The following SBF2 variants were observed in gnomAD, a reference collection of about 807,000 sequenced individuals.
SBF2 encodes myotubularin-related protein 13.
SBF2 carries 112 observed loss-of-function variants against 225.2 expected under a neutral mutation model. The ratio of observed to expected loss-of-function variants is 0.50; its 90% CI spans 0.43 to 0.58. SBF2 has a LOEUF of 0.58. Ranked by LOEUF, SBF2 falls within the 20% of genes least tolerant of loss-of-function variation. The pLI is 0.00. For missense variants in SBF2, 1,996 were observed against 2,206.2 expected, an observed-to-expected ratio of 0.90 and a Z score of 1.91; for synonymous variants, 763 against 773.3, an observed-to-expected ratio of 0.99 and a Z score of 0.22.
chr11:10,218,439 A>G (rs1206669537), intron 1 of SBF2, among the ~76,000 whole-genome samples: 1 of 150,958 alleles, frequency 6.6e-6, no homozygotes, highest in African/African-American at 2.4e-5. Flanking sequence ...AAACAATACA[A>G]TTCCACCCCG....
intron 2 of SBF2, among the ~76,000 whole-genome samples, chr11:10,193,641 C>T (rs1216409494): frequency 2.6e-5 from 4 of 151,958 alleles, no homozygotes; most frequent in Admixed American, 6.6e-5. Flanking sequence ...CATGAGCCAC[C>T]GCGCCTGGCC....
At chr11:10,184,381 C>A (rs1956852574) in intron 2 of SBF2, among the ~76,000 whole-genome samples, 1 of 152,056 alleles carries the variant, frequency 6.6e-6, no homozygotes, top group African/African-American at 2.4e-5. Flanking sequence ...TGGCTACTTG[C>A]TATAAAATAT....
chr11:10,284,099 G>C (rs529840161), intron 1 of SBF2, among the ~76,000 whole-genome samples: 1 of 152,116 alleles, frequency 6.6e-6, no homozygotes, highest in Admixed American at 6.5e-5. Context: ...TTTTAATTTT[G>C]AGATAGTTGC....
At position 10,027,297 on chromosome 11, in the gene SBF2, T is replaced by A. The variant is rs547700378; in HGVS notation, c.619+1155A>T. ...GGAAAGAATTACTTTGAAATTGATATCACCACTCATTTTAATTCAGATATT... is the reference window on the plus strand; with the variant it reads ...GGAAAGAATTACTTTGAAATTGATAACACCACTCATTTTAATTCAGATATT... On this transcript the variant is annotated intron_variant, in intron 6 of 39. Transcript: ENST00000256190. Among the ~76,000 whole-genome samples the A allele has an allele frequency of 5.1e-4, 78 of 152,336 alleles. 1 individual carries two copies. Among genetic ancestry groups the A allele is most frequent in the African/African-American group, 1.8e-3 (76 of 41,590 alleles).
intron 1 of SBF2, among the ~76,000 whole-genome samples, chr11:10,247,776 A>G (rs1187028493): frequency 1.3e-5 from 2 of 152,148 alleles, no homozygotes; most frequent in African/African-American, 4.8e-5. Flanking sequence ...TACAACAATC[A>G]TCCTCCTCAC....
chr11:10,226,895 G>C lies in SBF2; in HGVS notation c.56-32908C>G, dbSNP rs553808786. 4.6e-5 allele frequency among the ~76,000 whole-genome samples: 7 copies of C among 152,260 alleles called. No individual in the cohort carries two copies. The South Asian group carries it at 1.5e-3, about 32-fold the overall frequency. On this transcript the variant is annotated intron_variant, in intron 1 of 39. Transcript: ENST00000256190. ...GTATTTCTAGTTCTAGATCCCTGAG[G>C]AATCGCTGACTTCCACAATGGTTGA...
chr11:10,105,199 T>C (rs1432848726), intron 2 of SBF2, among the ~76,000 whole-genome samples: 2 of 152,160 alleles, frequency 1.3e-5, no homozygotes, highest in Non-Finnish European at 2.9e-5. Flanking sequence ...AAGAAAACAC[T>C]GTGTCTTGAA....
At chr11:10,168,331 T>C (rs1336032915) in intron 2 of SBF2, among the ~76,000 whole-genome samples, 1 of 152,204 alleles carries the variant, frequency 6.6e-6, no homozygotes, top group African/African-American at 2.4e-5. Flanking sequence ...TCTGCATAAA[T>C]GAGCAACGAC....
At chr11:9,951,046 G>A (rs1865827304) in intron 16 of SBF2, among the ~76,000 whole-genome samples, 1 of 152,138 alleles carries the variant, frequency 6.6e-6, no homozygotes, top group South Asian at 2.1e-4. Context: ...ACCAATCCAG[G>A]CTTCATGGGC....
chr11:10,131,220 C>T (rs1954034303), intron 2 of SBF2, among the ~76,000 whole-genome samples: 1 of 149,504 alleles, frequency 6.7e-6, no homozygotes, highest in Non-Finnish European at 1.5e-5. Flanking sequence ...TTTAATATTG[C>T]CACTAATTTT....
rs1854728913 is a variant in SBF2, at chr11:9,821,134, A to C, written c.3794-4110T>G. 2.0e-5 allele frequency among the ~76,000 whole-genome samples: 3 copies of C among 152,216 alleles called. 1 individual carries two copies. The South Asian group carries it at 6.2e-4, about 32-fold the overall frequency. ...AAAATAAACTTCTGAATTTATTGAG[A>C]CCTGTCTCAGGTACTTTTTGGTTTA... is the stretch of plus-strand genomic sequence containing the variant. On this transcript the variant is annotated intron_variant, in intron 28 of 39. Coordinates refer to ENST00000256190, the MANE Select transcript of SBF2 (RefSeq NM_030962.4).
At chr11:10,285,511 A>C (rs543455740) in intron 1 of SBF2, among the ~76,000 whole-genome samples, 1 of 152,326 alleles carries the variant, frequency 6.6e-6, no homozygotes, top group East Asian at 1.9e-4. Flanking sequence ...CATCCAAGTA[A>C]ATAATTGTGT....
intron 1 of SBF2, among the ~76,000 whole-genome samples, chr11:10,232,358 C>G (rs1958893428): frequency 1.3e-5 from 2 of 152,098 alleles, no homozygotes; most frequent in South Asian, 4.1e-4. Flanking sequence ...AACGCGGTAC[C>G]TCAGTTGGAA....
At chr11:9,833,700 A>T (rs140981861) in intron 26 of SBF2, among the ~76,000 whole-genome samples, 1 of 150,872 alleles carries the variant, frequency 6.6e-6, no homozygotes, top group African/African-American at 2.4e-5. Flanking sequence ...GATTACAGGC[A>T]TGAGCCACCG....
At position 10,248,821 on chromosome 11, in the gene SBF2, C is replaced by T. The variant is rs888610394; in HGVS notation, c.55+45194G>A. On this transcript the variant is annotated intron_variant, in intron 1 of 39. Coordinates refer to ENST00000256190, the MANE Select transcript of SBF2 (RefSeq NM_030962.4). Reference sequence around the variant, plus strand: ...CCTGTAAAACAAATTCTAGGCCGGGCGCGGAGGCTTACGCCTGTAATCCTA... The same window carrying T: ...CCTGTAAAACAAATTCTAGGCCGGGTGCGGAGGCTTACGCCTGTAATCCTA... Among the ~76,000 whole-genome samples, 16 of 152,290 alleles carry T rather than the reference C, an allele frequency of 1.1e-4. 1 individual carries two copies. In the Middle Eastern group the frequency reaches 0.01, roughly 97 times the overall value.
At chr11:10,016,269 C>G (rs1948650254) in intron 6 of SBF2, among the ~76,000 whole-genome samples, 1 of 151,984 alleles carries the variant, frequency 6.6e-6, no homozygotes, top group Non-Finnish European at 1.5e-5. Context: ...TTGATATTGT[C>G]AAGGGAGGCA....
chr11:10,249,203 G>C, intron 1 of SBF2, among the ~76,000 whole-genome samples: 1 of 152,060 alleles, frequency 6.6e-6, no homozygotes, highest in East Asian at 1.9e-4. Flanking sequence ...AAGCACAACA[G>C]GGTTTTCTTA....
intron 1 of SBF2, among the ~76,000 whole-genome samples, chr11:10,227,755 G>A (rs970994254): frequency 3.9e-5 from 6 of 152,190 alleles, no homozygotes; most frequent in African/African-American, 1.4e-4. Context: ...CAGGTAGTGT[G>A]ATGCCTCCAG....
At chr11:9,898,948 G>A (rs1235368797) in intron 16 of SBF2, among the ~76,000 whole-genome samples, 1 of 151,946 alleles carries the variant, frequency 6.6e-6, no homozygotes, top group Non-Finnish European at 1.5e-5. Context: ...AGGCAGAGAG[G>A]AAAATCAAGA....
Sources: gnomAD v4.1 joint callset for allele counts (sites outside exome capture counted in the v4.1 genomes callset) on GRCh38, gnomAD v4.1.1 for gene constraint, MANE v1.5 for transcripts, NCBI Gene and HGNC (gene_info 2026-07-23, HGNC 2026-07-21) for gene names.